The following PRKDC variants were observed in gnomAD, a reference collection of about 807,000 sequenced individuals.
PRKDC encodes the protein DNA-dependent protein kinase catalytic subunit.
Under a neutral mutation model 486.9 loss-of-function variants are expected in PRKDC, and 82 were observed. The observed-to-expected ratio is 0.17, with a 90% CI of 0.14 to 0.20. PRKDC has a LOEUF of 0.20. Among genes scored for constraint, PRKDC ranks in the 10% least tolerant of loss-of-function variants. The pLI, the probability that PRKDC is intolerant of heterozygous loss-of-function variation, is 1.00. For missense variants in PRKDC, 4,504 were observed against 5,038.2 expected (o/e 0.89, Z 3.21); for synonymous variants, 1,895 against 1,837.0 (o/e 1.03, Z -0.81).
At chr8:47,852,145 G>A (rs1482533775) in intron 52 of PRKDC, among the ~76,000 whole-genome samples, 1 of 152,082 alleles carries the variant, frequency 6.6e-6, no homozygotes, top group African/African-American at 2.4e-5. Flanking sequence ...TAAAGAACAT[G>A]TTACTTCTTC....
In PRKDC at chr8:47,918,298, C is replaced by G. The variant is rs2090019875; in HGVS notation, c.2505G>C (p.Lys835Asn). The G allele has an allele frequency of 6.3e-7, 1 of 1,586,826 alleles. No individual in the cohort carries two copies. The highest frequency in any genetic ancestry group is 8.6e-7 in the Non-Finnish European group (1 of 1,164,858). Reference sequence around the variant, plus strand: ...TTACTGATGAAAGGTTCTTTGTCTTCTTCAGATGCTTTAACACCACTTTAT... The same window carrying G: ...TTACTGATGAAAGGTTCTTTGTCTTGTTCAGATGCTTTAACACCACTTTAT... ...GFNKVVLKHL[K>N]KTKNLSSNEA... Residue 835 changes from lysine (K) to asparagine (N), a missense_variant, in exon 22 of 86, where the codon AAG becomes AAC. Lys to Asn is a moderately conservative substitution (Grantham distance 94). This residue lies in a region of PRKDC where 1,969 missense variants were observed against 2,068.9 expected (regional missense o/e 0.95). Coordinates refer to ENST00000314191, the MANE Select transcript of PRKDC (RefSeq NM_006904.7).
Position 47,817,459 on chromosome 8 carries a change from A to T in PRKDC, c.9548T>A (p.Ile3183Asn). ...AGGGACCACGTCTTACCGATTTGTG[A>T]TGATGTCATCCCAGATGTTCATTGG... is the stretch of plus-strand genomic sequence containing the variant. ...MDPMNIWDDI[I>N]TNRCFFLSKI... is the part of the protein sequence containing the mutation. Residue 3183 changes from isoleucine (I) to asparagine (N), a missense_variant, in exon 68 of 86, where the codon ATC (isoleucine) becomes AAC (asparagine). By Grantham distance (149) the Ile-to-Asn change is moderately radical (BLOSUM62 -3). Transcript: ENST00000314191. 6.3e-7 allele frequency: 1 copy of T among 1,596,434 alleles called. No homozygotes were observed. Among genetic ancestry groups the T allele is most frequent in the Non-Finnish European group, 8.6e-7 (1 of 1,168,422 alleles).
Position 47,885,784 on chromosome 8 carries a change from C to T in PRKDC, c.4776+160G>A, listed in dbSNP as rs1026280136. Among the ~76,000 whole-genome samples the T allele has an allele frequency of 2.6e-4, 40 of 152,076 alleles. No homozygotes were observed. The highest frequency in any genetic ancestry group is 3.4e-3 in the Middle Eastern group (1 of 294). The stretch of plus-strand genomic sequence containing the variant: ...GCGGGTGCCTGTAATCCCAGCTACT[C>T]GGGAGGCTGAGGCAGGAGAATCGCT... On this transcript the variant is annotated intron_variant, in intron 36 of 85. Coordinates refer to ENST00000314191, the MANE Select transcript of PRKDC (RefSeq NM_006904.7).
intron 71 of PRKDC, among the ~76,000 whole-genome samples, chr8:47,800,127 T>C (rs1438930014): frequency 6.6e-6 from 1 of 151,128 alleles, no homozygotes; most frequent in Non-Finnish European, 1.5e-5. Context: ...CAAAGGACTA[T>C]AAATCATGCT....
In PRKDC at chr8:47,879,491, CT is replaced by C; in HGVS notation, c.5234del (p.Lys1745SerfsTer3). On this transcript the variant is annotated frameshift_variant and splice_region_variant, in exon 39 of 86. Transcript: ENST00000314191. LOFTEE classifies it high-confidence loss of function. Reference protein sequence around the residue: ...RFNNYVDCMKKFLDALELSQS... With the variant: ...RFNNYVDCMKXFLDALELSQS... ...TTACTTGATACTACTAGAAACTAAC[CT>C]TTTTCATGCAGTCCACATAATTATT... The C allele has an allele frequency of 6.4e-7, 1 of 1,562,752 alleles. No homozygotes were observed. Among genetic ancestry groups the C allele is most frequent in the Non-Finnish European group, 8.7e-7 (1 of 1,153,188 alleles).
In PRKDC at chr8:47,954,068, T is replaced by C. The variant is rs569926444; in HGVS notation, c.509-149A>G. 9 of 524,340 alleles carry C rather than the reference T, an allele frequency of 1.7e-5. No homozygotes were observed. The East Asian group carries it at 2.7e-4, about 16-fold the overall frequency. 32.5% of individuals were successfully genotyped at this position (524,340 alleles called of 1,614,324 possible). A position where few individuals can be genotyped will look rare whatever the true frequency, so the allele number is the denominator to read the frequency against. On this transcript the variant is annotated intron_variant, in intron 5 of 85. Coordinates refer to ENST00000314191, the MANE Select transcript of PRKDC (RefSeq NM_006904.7). Reference sequence around the variant, plus strand: ...AAAATATAAAGCTTTTAGGACTGCATTCTTTCCTAAGTTTTATGCAAATGT... The same window carrying C: ...AAAATATAAAGCTTTTAGGACTGCACTCTTTCCTAAGTTTTATGCAAATGT...
At chr8:47,906,759 G>T (rs1482915014) in intron 25 of PRKDC, among the ~76,000 whole-genome samples, 1 of 151,344 alleles carries the variant, frequency 6.6e-6, no homozygotes, top group African/African-American at 2.4e-5. Context: ...TATTCCCCAC[G>T]GTTATTGAGC....
intron 27 of PRKDC, among the ~76,000 whole-genome samples, chr8:47,902,062 C>T (rs1156507616): frequency 6.6e-6 from 1 of 152,202 alleles, no homozygotes; most frequent in African/African-American, 2.4e-5. Flanking sequence ...GTGACCTACG[C>T]TCCTTACTAC....
intron 7 of PRKDC, among the ~76,000 whole-genome samples, chr8:47,947,087 G>C (rs946182042): frequency 2.0e-5 from 3 of 152,126 alleles, no homozygotes; most frequent in African/African-American, 7.2e-5. Flanking sequence ...CCACACTCTT[G>C]ACACACCAGC....
chr8:47,858,899 C>A lies in PRKDC; in HGVS notation c.6295G>T (p.Ala2099Ser), dbSNP rs773376838. ...NRHECMAPLT[A>S]LVKHMHRSLG... is the part of the protein sequence containing the mutation. The stretch of plus-strand genomic sequence containing the variant: ...CTTCTGTGCATGTGCTTGACCAGGG[C>A]CGTCAGGGGCGCCATGCACTCATGC... Residue 2099 changes from alanine (A) to serine (S), a missense_variant, in exon 47 of 86, where the codon GCC becomes TCC. Physicochemically the swap from Ala to Ser is moderately conservative, Grantham distance 99. Transcript: ENST00000314191. 4 of 1,613,704 alleles carry A rather than the reference C, an allele frequency of 2.5e-6. No individual in the cohort carries two copies. Among genetic ancestry groups the A allele is most frequent in the South Asian group, 2.2e-5 (2 of 91,090 alleles).
chr8:47,779,532 A>G (rs1023505973), intron 80 of PRKDC, among the ~76,000 whole-genome samples: 1 of 152,222 alleles, frequency 6.6e-6, no homozygotes, highest in African/African-American at 2.4e-5. Flanking sequence ...AAGCCCGCAC[A>G]GTTTTGCTAA....
At chr8:47,779,905 G>A (rs965390772) in intron 80 of PRKDC, among the ~76,000 whole-genome samples, 1 of 116,476 alleles carries the variant, frequency 8.6e-6, no homozygotes. Flanking sequence ...CTTTTGTTTT[G>A]TTTTGTCTTT....
intron 45 of PRKDC, among the ~76,000 whole-genome samples, chr8:47,860,276 C>A (rs1395388293): frequency 1.3e-5 from 2 of 152,176 alleles, no homozygotes; most frequent in African/African-American, 4.8e-5. Context: ...GAAGAGTCTA[C>A]TTCAGGGGTT....
At position 47,879,505 on chromosome 8, in the gene PRKDC, C is replaced by T. The variant is rs2089162790; in HGVS notation, c.5221G>A (p.Asp1741Asn). The T allele has an allele frequency of 6.3e-7, 1 of 1,587,768 alleles. No homozygotes were observed. The highest frequency in any genetic ancestry group is 1.2e-5 in the South Asian group (1 of 86,348). ...PGTPRFNNYV[D>N]CMKKFLDALE... is the part of the protein sequence containing the mutation. ...TAGAAACTAACCTTTTTCATGCAGT[C>T]CACATAATTATTGAACCGCGGAGTT... is the stretch of plus-strand genomic sequence containing the variant. The change falls in exon 39 of 86, where the codon GAC becomes AAC. Residue 1741 changes from aspartate (D) to asparagine (N), a missense_variant. Asp to Asn is a conservative substitution (Grantham distance 23). Around this residue, in one of 6 missense-constraint regions of PRKDC, gnomAD observed 1,969 missense variants for 2,068.9 expected, o/e 0.95. Transcript: ENST00000314191.
intron 22 of PRKDC, among the ~76,000 whole-genome samples, chr8:47,918,070 C>A (rs1019157583): frequency 6.6e-6 from 1 of 152,106 alleles, no homozygotes; most frequent in Non-Finnish European, 1.5e-5. Flanking sequence ...TGAGCTCAAG[C>A]GATCCACCCA....
At position 47,827,118 on chromosome 8, in the gene PRKDC, TCACACACACACACACACACACACA is replaced by T. The variant is rs61385951; in HGVS notation, c.8578-281_8578-258del. Among the ~76,000 whole-genome samples, 327 of 128,240 alleles carry T rather than the reference TCACACACACACACACACACACACA, an allele frequency of 2.5e-3. 1 individual carries two copies. The highest frequency in any genetic ancestry group is 8.8e-3 in the African/African-American group (313 of 35,444). The allele number at this position is 128,240 out of a possible 152,430, so 84.1% of individuals were successfully genotyped here. On this transcript the variant is annotated intron_variant, in intron 62 of 85. Transcript: ENST00000314191. ...AAAAGCACCTATCAAAATATGAAGA[TCACACACACACACACACACACACA>T]CACACACACACACACACACACACGT... is the stretch of plus-strand genomic sequence containing the variant.
intron 10 of PRKDC, among the ~76,000 whole-genome samples, chr8:47,940,689 T>C (rs1027042470): frequency 2.6e-5 from 4 of 152,240 alleles, no homozygotes; most frequent in Non-Finnish European, 4.4e-5. Flanking sequence ...TTTCTATTAT[T>C]GTATTCCCAG....
At chr8:47,833,606 G>A (rs778453880) in intron 59 of PRKDC, among the ~76,000 whole-genome samples, 22 of 152,018 alleles carry the variant, frequency 1.4e-4, no homozygotes, top group Admixed American at 9.2e-4. Context: ...TGCTCGGTGC[G>A]TTACAAGGCT....
intron 21 of PRKDC, among the ~76,000 whole-genome samples, chr8:47,919,080 GTTTTCC>G (rs1157372884): frequency 6.6e-6 from 1 of 152,042 alleles, no homozygotes. Context: ...TTCAATGTGT[GTTTTCC>G]ACAAGGACAG....
Sources: allele counts gnomAD v4.1 joint callset (sites outside exome capture counted in the v4.1 genomes callset), GRCh38; gene constraint gnomAD v4.1.1; regional missense constraint gnomAD v4.1.1; transcripts MANE v1.5; gene names NCBI Gene and HGNC (gene_info 2026-07-23, HGNC 2026-07-21).